The following RGS17 variants were observed in gnomAD, a reference collection of about 807,000 sequenced individuals.
RGS17 encodes the protein regulator of G-protein signaling 17.
A neutral mutation model predicts 25.5 loss-of-function variants in RGS17; 12 were observed. The observed-to-expected ratio is 0.47, with a 90% confidence interval of 0.30 to 0.76. The LOEUF (loss-of-function observed/expected upper bound fraction) is 0.76, where lower values mean the gene tolerates loss of function less well. Ranked by LOEUF, RGS17 falls within the 30% of genes least tolerant of loss-of-function variation. RGS17 has a pLI of 0.07. For synonymous variants in RGS17, 71 were observed against 76.9 expected, an observed-to-expected ratio of 0.92 and a Z score of 0.40; for missense variants, 196 against 242.2, an observed-to-expected ratio of 0.81 and a Z score of 1.27.
chr6:153,052,166 T>C (rs1431393630), intron 1 of RGS17, among the ~76,000 whole-genome samples: 2 of 152,114 alleles, frequency 1.3e-5, no homozygotes, highest in East Asian at 3.9e-4. Flanking sequence ...GCTGTGGAGG[T>C]TTGGTGCCTG....
chr6:153,030,574 T>G (rs764108768), intron 2 of RGS17, among the ~76,000 whole-genome samples: 7 of 152,228 alleles, frequency 4.6e-5, no homozygotes, highest in Non-Finnish European at 8.8e-5. Context: ...TCTCACATTG[T>G]GATATCAATC....
intron 4 of RGS17, among the ~76,000 whole-genome samples, chr6:153,016,758 C>T (rs1195981663): frequency 1.3e-5 from 2 of 152,072 alleles, no homozygotes; most frequent in Non-Finnish European, 2.9e-5. Context: ...AGAAGTGTAG[C>T]GAGGTCAAAT....
chr6:153,032,881 C>G (rs1048531683), intron 2 of RGS17, among the ~76,000 whole-genome samples: 2 of 152,160 alleles, frequency 1.3e-5, no homozygotes, highest in African/African-American at 4.8e-5. Context: ...TGCATTCCAC[C>G]GTCTCATGCT....
chr6:153,086,448 AG>A (rs1372947972), intron 1 of RGS17, among the ~76,000 whole-genome samples: 2 of 152,224 alleles, frequency 1.3e-5, no homozygotes, highest in Admixed American at 6.5e-5. Flanking sequence ...CGATCTCTAG[AG>A]GAAGAAGTCA....
At chr6:153,113,126 C>T (rs537134311) in intron 1 of RGS17, among the ~76,000 whole-genome samples, 2 of 152,214 alleles carry the variant, frequency 1.3e-5, no homozygotes, top group South Asian at 4.1e-4. Context: ...AAGACACAGA[C>T]TGGTAAATTG....
intron 2 of RGS17, among the ~76,000 whole-genome samples, chr6:153,028,169 A>T (rs1051036149): frequency 3.3e-5 from 5 of 152,230 alleles, no homozygotes; most frequent in Admixed American, 6.5e-5. Flanking sequence ...ATAGGATTTC[A>T]TAGTGAAATA....
chr6:153,047,428 ATAT>A (rs1776399862), intron 1 of RGS17, among the ~76,000 whole-genome samples: 1 of 152,212 alleles, frequency 6.6e-6, no homozygotes, highest in Non-Finnish European at 1.5e-5. Flanking sequence ...CAATGTCCGC[ATAT>A]TATTAAGTCC....
intron 1 of RGS17, among the ~76,000 whole-genome samples, chr6:153,092,294 C>A (rs2129121863): frequency 6.6e-6 from 1 of 152,278 alleles, no homozygotes; most frequent in South Asian, 2.1e-4. Context: ...CACCAAGGTA[C>A]AAATTTAACT....
intron 1 of RGS17, among the ~76,000 whole-genome samples, chr6:153,070,776 CAT>C (rs1451882393): frequency 6.7e-6 from 1 of 150,358 alleles, no homozygotes; most frequent in Non-Finnish European, 1.5e-5. Context: ...TACATATACA[CAT>C]ATACATATAT....
chr6:153,049,539 C>T (rs1346587989), intron 1 of RGS17, among the ~76,000 whole-genome samples: 2 of 152,054 alleles, frequency 1.3e-5, no homozygotes, highest in African/African-American at 2.4e-5. Flanking sequence ...ATCACGAGGT[C>T]AGGAGATCGA....
At chr6:153,038,878 C>G (rs1276595729) in intron 2 of RGS17, among the ~76,000 whole-genome samples, 1 of 152,102 alleles carries the variant, frequency 6.6e-6, no homozygotes, top group Non-Finnish European at 1.5e-5. Flanking sequence ...GGAGGGGCAG[C>G]CCAAAGCATA....
intron 1 of RGS17, among the ~76,000 whole-genome samples, chr6:153,082,871 G>T (rs1248583667): frequency 6.6e-6 from 1 of 152,108 alleles, no homozygotes; most frequent in East Asian, 1.9e-4. Flanking sequence ...TACTGCATGA[G>T]TCTAGAGTAG....
intron 2 of RGS17, among the ~76,000 whole-genome samples, chr6:153,041,563 T>C (rs891703642): frequency 2.6e-5 from 4 of 151,950 alleles, no homozygotes; most frequent in African/African-American, 7.3e-5. Context: ...TGGCAGCTAA[T>C]ACATATAGCA....
chr6:153,072,799 T>C (rs1229071399), intron 1 of RGS17, among the ~76,000 whole-genome samples: 1 of 152,022 alleles, frequency 6.6e-6, no homozygotes, highest in Non-Finnish European at 1.5e-5. Flanking sequence ...TAACTTGGAA[T>C]CACTAGAGTT....
chr6:153,053,060 T>C (rs571098855), intron 1 of RGS17, among the ~76,000 whole-genome samples: 197 of 152,288 alleles, frequency 1.3e-3, no homozygotes, highest in African/African-American at 4.6e-3. Context: ...CTGTGAGAAA[T>C]AAATTTCTGT....
At chr6:153,095,486 TTACTC>T (rs1199525657) in intron 1 of RGS17, among the ~76,000 whole-genome samples, 1 of 152,144 alleles carries the variant, frequency 6.6e-6, no homozygotes, top group African/African-American at 2.4e-5. Flanking sequence ...CCAGGTGTAT[TTACTC>T]TAGGAAGATG....
chr6:153,006,209 C>T lies in RGS17; in HGVS notation c.*5365G>A, dbSNP rs112353873. The T allele has an allele frequency of 8.5e-5, 13 of 152,178 alleles. No individual in the cohort carries two copies. The highest frequency in any genetic ancestry group is 3.1e-4 in the African/African-American group (13 of 41,516). 9.4% of individuals were successfully genotyped at this position (152,178 alleles called of 1,614,324 possible). Reference sequence around the variant, plus strand: ...TGTAAAATTGTTAAAGAAAATCATACCACCTTAATATTAAAAAGAGTGTTT... The same window carrying T: ...TGTAAAATTGTTAAAGAAAATCATATCACCTTAATATTAAAAAGAGTGTTT... On this transcript the variant is annotated 3_prime_UTR_variant, in exon 5 of 5. Transcript: ENST00000206262.
intron 1 of RGS17, among the ~76,000 whole-genome samples, chr6:153,109,158 C>G (rs1221789935): frequency 7.3e-6 from 1 of 137,598 alleles, no homozygotes; most frequent in Non-Finnish European, 1.6e-5. Flanking sequence ...GAAAAATCTG[C>G]AGCTAAACGC....
At chr6:153,078,609 A>T (rs1292098908) in intron 1 of RGS17, among the ~76,000 whole-genome samples, 1 of 151,782 alleles carries the variant, frequency 6.6e-6, no homozygotes, top group African/African-American at 2.4e-5. Flanking sequence ...ATAGTAAAAT[A>T]ATACTTTATT....
Sources: gnomAD v4.1 joint callset for allele counts (sites outside exome capture counted in the v4.1 genomes callset) on GRCh38, gnomAD v4.1.1 for gene constraint, MANE v1.5 for transcripts, NCBI Gene and HGNC (gene_info 2026-07-23, HGNC 2026-07-21) for gene names.